Variants in DHRSX observed in about 807,000 individuals in gnomAD.
The protein encoded by DHRSX is dehydrogenase/reductase X-linked.
In DHRSX, 31 loss-of-function variants were observed where a neutral mutation model predicts 34.0. That is an observed-to-expected ratio of 0.91 (90% CI 0.69 to 1.23). The LOEUF is 1.23. Ranked by LOEUF, DHRSX falls within the 50% of genes most tolerant of loss-of-function variation. The pLI is 0.00. For synonymous variants in DHRSX, 201 were observed against 183.8 expected (o/e 1.09, Z -0.76); for missense variants, 414 against 428.1 (o/e 0.97, Z 0.29).
intron 1 of DHRSX, among the ~76,000 whole-genome samples, chrX:2,475,996 C>T (rs753382986): frequency 2.0e-5 from 3 of 152,274 alleles, no homozygotes; most frequent in East Asian, 1.9e-4. Context: ...CCAAGGAAGA[C>T]GTCTTTAACA....
At chrX:2,442,921 G>A (rs1232062653) in intron 1 of DHRSX, among the ~76,000 whole-genome samples, 3 of 152,156 alleles carry the variant, frequency 2.0e-5, no homozygotes, top group African/African-American at 7.2e-5. Context: ...ACACGTGCGT[G>A]TTCCGTCACA....
intron 3 of DHRSX, among the ~76,000 whole-genome samples, chrX:2,376,470 C>T (rs2043141581): frequency 7.3e-6 from 1 of 137,324 alleles, no homozygotes; most frequent in East Asian, 2.0e-4. Flanking sequence ...GATCTAACAT[C>T]CACTCTGATT....
chrX:2,230,939 G>A (rs865945965), intron 6 of DHRSX, among the ~76,000 whole-genome samples: 33 of 152,196 alleles, frequency 2.2e-4, no homozygotes, highest in African/African-American at 5.3e-4. Flanking sequence ...AAAATTGAAC[G>A]GTCTCAATGG....
At chrX:2,449,047 G>A (rs773710385) in intron 1 of DHRSX, among the ~76,000 whole-genome samples, 1 of 152,170 alleles carries the variant, frequency 6.6e-6, no homozygotes, top group Admixed American at 6.5e-5. Flanking sequence ...AAATTAGCTG[G>A]GTGTGGTGGC....
intron 5 of DHRSX, among the ~76,000 whole-genome samples, chrX:2,260,316 G>A (rs1408435867): frequency 7.5e-6 from 1 of 133,030 alleles, no homozygotes; most frequent in Non-Finnish European, 1.6e-5. Context: ...TGTGAGGGTG[G>A]AGGGGAGGGT....
At chrX:2,467,531 A>T (rs6567545) in intron 1 of DHRSX, among the ~76,000 whole-genome samples, 60,203 of 151,756 alleles carry the variant, frequency 0.4, 12,257 homozygotes, top group African/African-American at 0.51. Context: ...GACCGGACTG[A>T]AACAGGGACA....
intron 3 of DHRSX, among the ~76,000 whole-genome samples, chrX:2,358,067 T>C (rs1026412840): frequency 8.5e-5 from 13 of 152,204 alleles, no homozygotes; most frequent in African/African-American, 2.2e-4. Flanking sequence ...GTTATGCTAC[T>C]TTGTCTTCAA....
intron 3 of DHRSX, among the ~76,000 whole-genome samples, chrX:2,337,236 G>A (rs772780501): frequency 9.9e-5 from 15 of 152,182 alleles, no homozygotes; most frequent in East Asian, 9.7e-4. Flanking sequence ...ATGCATTCTC[G>A]TTAAGGATAT....
intron 6 of DHRSX, among the ~76,000 whole-genome samples, chrX:2,242,734 C>T (rs760563446): frequency 4.6e-5 from 7 of 152,166 alleles, no homozygotes; most frequent in South Asian, 2.1e-4. Context: ...TTACCCTCTA[C>T]GGTCTAAAAA....
At chrX:2,342,168 A>G (rs1299661741) in intron 3 of DHRSX, among the ~76,000 whole-genome samples, 1 of 152,118 alleles carries the variant, frequency 6.6e-6, no homozygotes, top group Non-Finnish European at 1.5e-5. Flanking sequence ...GTCCTTGTCA[A>G]GATCAAAATT....
At chrX:2,330,270 C>A (rs1424058057) in intron 3 of DHRSX, among the ~76,000 whole-genome samples, 1 of 151,198 alleles carries the variant, frequency 6.6e-6, no homozygotes, top group African/African-American at 2.4e-5. Flanking sequence ...TGCCTGTAAT[C>A]CTAGCACTTT....
At position 2,418,608 on chromosome X, in the gene DHRSX, A is replaced by C. The variant is rs1266979900; in HGVS notation, c.217+6589T>G. On this transcript the variant is annotated intron_variant, in intron 2 of 6. Coordinates refer to ENST00000334651, the MANE Select transcript of DHRSX (RefSeq NM_145177.3). Reference sequence around the variant, plus strand: ...CTGGAGGAGACAAAAGATCAAATATAACCAGTAATGGATGTGAGCCCTCCC... The same window carrying C: ...CTGGAGGAGACAAAAGATCAAATATCACCAGTAATGGATGTGAGCCCTCCC... 1.2e-4 allele frequency among the ~76,000 whole-genome samples: 19 copies of C among 152,322 alleles called. No individual in the cohort carries two copies. The South Asian group carries it at 3.9e-3, about 32-fold the overall frequency.
At chrX:2,418,286 T>C (rs1651599923) in intron 2 of DHRSX, among the ~76,000 whole-genome samples, 1 of 152,180 alleles carries the variant, frequency 6.6e-6, no homozygotes, top group South Asian at 2.1e-4. Context: ...TACTTCATCA[T>C]GACATAACCA....
At chrX:2,308,806 T>G (rs1051308215) in intron 3 of DHRSX, among the ~76,000 whole-genome samples, 3 of 123,222 alleles carry the variant, frequency 2.4e-5, no homozygotes, top group African/African-American at 3.2e-5. Context: ...GAAGCAAGAA[T>G]GAATGGAAGG....
chrX:2,485,525 G>C (rs866524806), intron 1 of DHRSX, among the ~76,000 whole-genome samples: 27 of 146,748 alleles, frequency 1.8e-4, no homozygotes, highest in African/African-American at 6.1e-4. Context: ...AAACGAAAGA[G>C]GAAGGGAGGG....
intron 3 of DHRSX, among the ~76,000 whole-genome samples, chrX:2,373,063 G>A (rs183087500): frequency 2.6e-4 from 39 of 152,320 alleles, no homozygotes; most frequent in African/African-American, 8.2e-4. Flanking sequence ...GGTTGGGGAG[G>A]CCTCACAATC....
rs753035485 is a variant in DHRSX at position 2,249,513 on chromosome X, C to CTTTTTTTTTT, written c.597-6293_597-6284dup. Among the ~76,000 whole-genome samples, 24 of 70,192 alleles carry CTTTTTTTTTT rather than the reference C, an allele frequency of 3.4e-4. 1 individual carries two copies. Among genetic ancestry groups the CTTTTTTTTTT allele is most frequent in the African/African-American group, 8.1e-4 (17 of 21,066 alleles). 46.0% of individuals were successfully genotyped at this position (70,192 alleles called of 152,430 possible). A position where few individuals can be genotyped will look rare whatever the true frequency, so the allele number is the denominator to read the frequency against. ...CCACCACGCTCAGCCCTTTTTGTGC[C>CTTTTTTTTTT]TTTTTTTTTTTTTTTTTTTTTTTTT... On this transcript the variant is annotated intron_variant, in intron 5 of 6. Transcript: ENST00000334651.
At chrX:2,252,854 A>G (rs191647500) in intron 5 of DHRSX, among the ~76,000 whole-genome samples, 45 of 152,294 alleles carry the variant, frequency 3.0e-4, no homozygotes, top group Middle Eastern at 3.4e-3. Flanking sequence ...ATGCCCATTA[A>G]GGTCTGTAAA....
intron 3 of DHRSX, among the ~76,000 whole-genome samples, chrX:2,367,253 C>A (rs756976047): frequency 1.3e-5 from 2 of 152,044 alleles, no homozygotes; most frequent in Non-Finnish European, 2.9e-5. Context: ...GCCTGACCAA[C>A]ATGGTGAAAT....
Sources: allele counts gnomAD v4.1 joint callset (sites outside exome capture counted in the v4.1 genomes callset), GRCh38; gene constraint gnomAD v4.1.1; transcripts MANE v1.5; gene names NCBI Gene and HGNC (gene_info 2026-07-23, HGNC 2026-07-21).